The following ABCA13 variants were observed in gnomAD, a reference collection of about 807,000 sequenced individuals.
ABCA13 encodes the protein ATP binding cassette subfamily A member 13.
Under a neutral mutation model 478.7 loss-of-function variants are expected in ABCA13, and 476 were observed. The ratio of observed to expected loss-of-function variants is 0.99; its 90% CI spans 0.92 to 1.07. The LOEUF is 1.07. Among genes scored for constraint, ABCA13 ranks in the 50% least tolerant of loss-of-function variants. The probability of loss-of-function intolerance (pLI) is 0.00; values close to 1 mark genes in which losing one functional copy is unlikely to be tolerated. For synonymous variants in ABCA13, 2,252 were observed against 2,158.9 expected (o/e 1.04, Z -1.20); for missense variants, 6,060 against 5,910.6 (o/e 1.03, Z -0.83).
At chr7:48,638,275 G>A (rs1042488477) in intron 59 of ABCA13, among the ~76,000 whole-genome samples, 2 of 152,302 alleles carry the variant, frequency 1.3e-5, no homozygotes, top group Admixed American at 6.5e-5. Flanking sequence ...TGGAGGTGAC[G>A]TTGACCCAAC....
chr7:48,192,287 C>G (rs1797209394), intron 1 of ABCA13, among the ~76,000 whole-genome samples: 1 of 151,684 alleles, frequency 6.6e-6, no homozygotes, highest in African/African-American at 2.4e-5. Flanking sequence ...TGAGGTTGTA[C>G]AAAGTATTGC....
intron 27 of ABCA13, among the ~76,000 whole-genome samples, chr7:48,327,193 G>C (rs1036184072): frequency 6.6e-6 from 1 of 152,264 alleles, no homozygotes; most frequent in South Asian, 2.1e-4. Flanking sequence ...GTTTCACATG[G>C]CTGGGGAGGC....
At position 48,363,174 on chromosome 7, in the gene ABCA13, A is replaced by G. The variant is rs1450827142; in HGVS notation, c.10689-4620A>G. Among the ~76,000 whole-genome samples, 6 of 152,190 alleles carry G rather than the reference A, an allele frequency of 3.9e-5. No homozygotes were observed. The East Asian group carries it at 1.2e-3, about 29-fold the overall frequency. On this transcript the variant is annotated intron_variant, in intron 31 of 61. Coordinates refer to ENST00000435803, the MANE Select transcript of ABCA13 (RefSeq NM_152701.5). ...TTAAGAAGCTCTCATAAGATAATAT[A>G]ACCTGAATTCCTACATACGTAAAAC...
chr7:48,338,547 G>A, intron 29 of ABCA13, 92 bp downstream of exon 29: 1 of 863,140 alleles, frequency 1.2e-6, no homozygotes, highest in East Asian at 3.0e-5. Context: ...GCATTGCTAG[G>A]TGACTTCCAG....
chr7:48,631,421 ATTGTTTATT>A (rs1308814467), intron 59 of ABCA13, among the ~76,000 whole-genome samples: 2 of 151,882 alleles, frequency 1.3e-5, no homozygotes, highest in Non-Finnish European at 1.5e-5. Context: ...TCCTTTCCCC[ATTGTTTATT>A]TTTGTCAGCT....
chr7:48,249,888 C>T (rs769090453), intron 15 of ABCA13, among the ~76,000 whole-genome samples: 4 of 151,630 alleles, frequency 2.6e-5, no homozygotes, highest in Non-Finnish European at 4.4e-5. Context: ...TCCTACAATT[C>T]GATTCAATTC....
intron 29 of ABCA13, among the ~76,000 whole-genome samples, chr7:48,350,013 T>TA (rs1323967677): frequency 3.3e-5 from 5 of 152,166 alleles, no homozygotes; most frequent in Non-Finnish European, 7.3e-5. Flanking sequence ...AGAGTGAAAA[T>TA]ACTGAGATAT....
chr7:48,363,223 G>A (rs1409485339), intron 31 of ABCA13, among the ~76,000 whole-genome samples: 2 of 152,072 alleles, frequency 1.3e-5, no homozygotes, highest in Non-Finnish European at 2.9e-5. Context: ...TATATTTGAA[G>A]GACATCTTGG....
At chr7:48,618,645 G>C (rs777595827) in intron 59 of ABCA13, among the ~76,000 whole-genome samples, 6 of 152,140 alleles carry the variant, frequency 3.9e-5, no homozygotes, top group Non-Finnish European at 5.9e-5. Flanking sequence ...TGGAAGGAAG[G>C]GGTGAAATAG....
intron 42 of ABCA13, among the ~76,000 whole-genome samples, chr7:48,432,234 A>G (rs893260284): frequency 6.6e-6 from 1 of 152,178 alleles, no homozygotes; most frequent in East Asian, 1.9e-4. Flanking sequence ...CTAAATTAAT[A>G]GTCAGCAGAG....
In ABCA13 at chr7:48,448,538, A is replaced by T. The variant is rs1585367804; in HGVS notation, c.12566-6499A>T. 2.6e-5 allele frequency among the ~76,000 whole-genome samples: 4 copies of T among 152,326 alleles called. 1 individual carries two copies. The highest frequency in any genetic ancestry group is 2.6e-4 in the Admixed American group (4 of 15,310). ...AATTTGATCTTTTGACATTTTGGCTATTACAATCATAGGGCATTGCAAAGA... is the reference window on the plus strand; with the variant it reads ...AATTTGATCTTTTGACATTTTGGCTTTTACAATCATAGGGCATTGCAAAGA... On this transcript the variant is annotated intron_variant, in intron 42 of 61. Transcript: ENST00000435803.
At position 48,645,520 on chromosome 7, in the gene ABCA13, AG is replaced by A; in HGVS notation, c.*9del. On this transcript the variant is annotated 3_prime_UTR_variant, in exon 62 of 62. Coordinates refer to ENST00000435803, the MANE Select transcript of ABCA13 (RefSeq NM_152701.5). The stretch of plus-strand genomic sequence containing the variant: ...CATCACTTGCCCATCTGAGCACTAA[AG>A]AAGTTTCCATAAGGAATAAAACCTT... The A allele has an allele frequency of 6.4e-7, 1 of 1,566,932 alleles. No individual in the cohort carries two copies. The highest frequency in any genetic ancestry group is 8.7e-7 in the Non-Finnish European group (1 of 1,153,306).
chr7:48,363,732 G>T (rs536398295), intron 31 of ABCA13, among the ~76,000 whole-genome samples: 1 of 151,492 alleles, frequency 6.6e-6, no homozygotes, highest in African/African-American at 2.4e-5. Flanking sequence ...ATTCTCCTTT[G>T]TCTGATGGCT....
intron 42 of ABCA13, among the ~76,000 whole-genome samples, chr7:48,437,110 G>A (rs1049334693): frequency 6.6e-6 from 1 of 151,882 alleles, no homozygotes; most frequent in Non-Finnish European, 1.5e-5. Context: ...ATTATTGAGA[G>A]TGAGGTATTG....
intron 55 of ABCA13, among the ~76,000 whole-genome samples, chr7:48,551,102 G>A (rs1585780528): frequency 6.6e-6 from 1 of 151,150 alleles, no homozygotes; most frequent in Admixed American, 6.6e-5. Context: ...TATCTGCATT[G>A]TTTCAGCTAC....
rs1269701778 is a variant in ABCA13, at chr7:48,545,662, G to T, written c.14354+17317G>T. On this transcript the variant is annotated intron_variant, in intron 55 of 61. Coordinates refer to ENST00000435803, the MANE Select transcript of ABCA13 (RefSeq NM_152701.5). ...GATAAATTAATGGCTATCACAAAAA[G>T]GAGAATTGGCACACAAAGAATGTAA... 1.3e-5 allele frequency among the ~76,000 whole-genome samples: 2 copies of T among 150,936 alleles called. 1 individual carries two copies. Among genetic ancestry groups the T allele is most frequent in the Non-Finnish European group, 3.0e-5 (2 of 67,628 alleles).
chr7:48,304,576 A>G (rs1244965979), intron 23 of ABCA13, among the ~76,000 whole-genome samples: 1 of 152,044 alleles, frequency 6.6e-6, no homozygotes, highest in Non-Finnish European at 1.5e-5. Flanking sequence ...ATGATCAGCG[A>G]TGGAACAATA....
chr7:48,514,033 T>A (rs184631565), intron 51 of ABCA13, among the ~76,000 whole-genome samples: 1 of 152,320 alleles, frequency 6.6e-6, no homozygotes, highest in Non-Finnish European at 1.5e-5. Flanking sequence ...GGAAACCTTA[T>A]GTAATAAGTA....
chr7:48,190,077 A>G (rs1796891620), intron 1 of ABCA13, among the ~76,000 whole-genome samples: 1 of 152,200 alleles, frequency 6.6e-6, no homozygotes, highest in Non-Finnish European at 1.5e-5. Context: ...CAAAAAATTA[A>G]GTTTGTTAAT....
Sources: allele counts gnomAD v4.1 joint callset (sites outside exome capture counted in the v4.1 genomes callset), GRCh38; gene constraint gnomAD v4.1.1; transcripts MANE v1.5; gene names NCBI Gene and HGNC (gene_info 2026-07-23, HGNC 2026-07-21).